The following CSMD2 variants were observed in gnomAD, a reference collection of about 807,000 sequenced individuals.
CSMD2 encodes the protein CUB and Sushi multiple domains 2.
In CSMD2, 130 loss-of-function variants were observed where a neutral mutation model predicts 398.5. The ratio of observed to expected loss-of-function variants is 0.33; its 90% CI spans 0.28 to 0.38. CSMD2 has a LOEUF of 0.38. Among genes scored for constraint, CSMD2 ranks in the 10% least tolerant of loss-of-function variants. The pLI is 1.00. For missense variants in CSMD2, 3,829 were observed against 4,764.9 expected, an observed-to-expected ratio of 0.80 and a Z score of 5.78; for synonymous variants, 1,828 against 1,908.5, an observed-to-expected ratio of 0.96 and a Z score of 1.10.
At chr1:33,681,038 C>A (rs1010427506) in intron 25 of CSMD2, among the ~76,000 whole-genome samples, 26 of 143,262 alleles carry the variant, frequency 1.8e-4, no homozygotes, top group African/African-American at 6.0e-4. Flanking sequence ...GATTCTCATG[C>A]CTCAGCCTCC....
chr1:33,671,146 G>A (rs770179069), intron 25 of CSMD2, among the ~76,000 whole-genome samples: 3 of 152,186 alleles, frequency 2.0e-5, no homozygotes, highest in Non-Finnish European at 2.9e-5. Context: ...CTCAGGGAAT[G>A]GTGATAATGT....
chr1:33,874,991 G>A (rs1365098011), intron 5 of CSMD2, among the ~76,000 whole-genome samples: 1 of 152,202 alleles, frequency 6.6e-6, no homozygotes, highest in Non-Finnish European at 1.5e-5. Flanking sequence ...AAGTGGGTGA[G>A]GGAACTTCCA....
chr1:34,127,071 G>C (rs929124779), intron 1 of CSMD2, among the ~76,000 whole-genome samples: 1 of 152,098 alleles, frequency 6.6e-6, no homozygotes, highest in Non-Finnish European at 1.5e-5. Context: ...ACAGGCAAGA[G>C]GCAGACAGGA....
chr1:33,569,856 G>A (rs1659420896), intron 51 of CSMD2, among the ~76,000 whole-genome samples: 1 of 152,182 alleles, frequency 6.6e-6, no homozygotes, highest in East Asian at 1.9e-4. Context: ...GTGCACTGTG[G>A]TTAGGAAGAG....
At chr1:33,576,622 C>T (rs560454887) in intron 49 of CSMD2, among the ~76,000 whole-genome samples, 2 of 152,266 alleles carry the variant, frequency 1.3e-5, no homozygotes, top group African/African-American at 4.8e-5. Flanking sequence ...TATACTTCCT[C>T]ACCATGATTT....
intron 15 of CSMD2, among the ~76,000 whole-genome samples, chr1:33,730,261 C>T (rs973838611): frequency 6.6e-6 from 1 of 152,012 alleles, no homozygotes; most frequent in African/African-American, 2.4e-5. Flanking sequence ...GAGGCATACA[C>T]ACATATTCAC....
At position 33,559,191 on chromosome 1, in the gene CSMD2, C is replaced by G. The variant is rs406586; in HGVS notation, c.8554+109G>C. On this transcript the variant is annotated intron_variant, in intron 54 of 70. Transcript: ENST00000373381. The surrounding 1 kb of genome is among the most constrained non-coding windows in gnomAD (Gnocchi z 4.0). ...CCCTTCTCTGCTCCATCTTCCCTATCTGGATCAGAATGATGCCAGAATGAA... is the reference window on the plus strand; with the variant it reads ...CCCTTCTCTGCTCCATCTTCCCTATGTGGATCAGAATGATGCCAGAATGAA... 12 of 1,027,924 alleles carry G rather than the reference C, an allele frequency of 1.2e-5. No homozygotes were observed. The highest frequency in any genetic ancestry group is 1.7e-5 in the Non-Finnish European group (12 of 714,946). The allele number at this position is 1,027,924 out of a possible 1,614,324, so 63.7% of individuals were successfully genotyped here. A position where few individuals can be genotyped will look rare whatever the true frequency, so the allele number is the denominator to read the frequency against.
chr1:33,667,455 T>C (rs1012622023), intron 25 of CSMD2, among the ~76,000 whole-genome samples: 17 of 152,178 alleles, frequency 1.1e-4, no homozygotes, highest in African/African-American at 3.9e-4. Context: ...CACAAGGTCA[T>C]GGGCTGGTTA....
chr1:33,563,680 C>G (rs72660182), intron 53 of CSMD2, among the ~76,000 whole-genome samples: 2 of 152,094 alleles, frequency 1.3e-5, no homozygotes, highest in Non-Finnish European at 2.9e-5. Context: ...AATTTTGAAC[C>G]CAGCTTCTCT....
At chr1:33,867,088 T>C (rs929227547) in intron 5 of CSMD2, among the ~76,000 whole-genome samples, 41 of 152,222 alleles carry the variant, frequency 2.7e-4, no homozygotes, top group Admixed American at 1.3e-3. Flanking sequence ...CCATAGAATG[T>C]GGCAAAGGAG....
chr1:33,755,465 C>T (rs1265517796), intron 13 of CSMD2, among the ~76,000 whole-genome samples: 1 of 152,254 alleles, frequency 6.6e-6, no homozygotes, highest in East Asian at 1.9e-4. Flanking sequence ...TAACTTTAGG[C>T]TCCTTTCTTT....
intron 1 of CSMD2, among the ~76,000 whole-genome samples, chr1:34,132,741 A>G (rs1460379946): frequency 6.6e-6 from 1 of 152,166 alleles, no homozygotes; most frequent in South Asian, 2.1e-4. Context: ...AAGATATCAG[A>G]GCTCCTAATT....
intron 25 of CSMD2, among the ~76,000 whole-genome samples, chr1:33,663,448 G>T (rs573696656): frequency 8.5e-5 from 13 of 152,150 alleles, no homozygotes; most frequent in South Asian, 6.2e-4. Context: ...GGTTGGAAGG[G>T]GAATACTGAG....
chr1:33,633,486 C>T lies in CSMD2; in HGVS notation c.5136G>A (p.Val1712=). Residue 1712 remains valine (V), a synonymous_variant, in exon 32 of 71, where the codon GTG becomes GTA. Transcript: ENST00000373381. This position sits in a 1 kb window ranked among gnomAD's most constrained non-coding sequence, Gnocchi z 5.0. ...GCTGGCTGTGGCCGTCGTGAACCTC[C>T]ACCACGTCGTTGAGGGCCGTGTGAA... ...AFFHTALNDV[V]EVHDGHSQHS... 2 of 1,554,354 alleles carry T rather than the reference C, an allele frequency of 1.3e-6. No individual in the cohort carries two copies. Among genetic ancestry groups the T allele is most frequent in the Non-Finnish European group, 1.7e-6 (2 of 1,148,380 alleles).
intron 5 of CSMD2, among the ~76,000 whole-genome samples, chr1:33,853,657 T>A (rs1181080462): frequency 9.6e-6 from 1 of 104,222 alleles, no homozygotes; most frequent in Non-Finnish European, 2.0e-5. Flanking sequence ...AGGGTGGGGG[T>A]GGGAGACTGC....
At chr1:33,538,329 G>A (rs1017641563) in intron 60 of CSMD2, among the ~76,000 whole-genome samples, 5 of 152,162 alleles carry the variant, frequency 3.3e-5, no homozygotes, top group Non-Finnish European at 7.3e-5. Context: ...TTTACACTGC[G>A]GTGGGTAGTG....
At chr1:33,626,313 T>C (rs1642125831) in intron 33 of CSMD2, among the ~76,000 whole-genome samples, 173 bp downstream of exon 33, 1 of 152,166 alleles carries the variant, frequency 6.6e-6, no homozygotes, top group Non-Finnish European at 1.5e-5. Context: ...GCTGAGTAAG[T>C]GAATGCATAA....
At chr1:33,691,728 G>C (rs664727) in intron 25 of CSMD2, among the ~76,000 whole-genome samples, 137,047 of 152,188 alleles carry the variant, frequency 0.9, 61,905 homozygotes, top group African/African-American at 0.97. Flanking sequence ...GTGGACCGAC[G>C]CTGCTCAAGA....
At chr1:34,039,819 T>A (rs1456277369) in intron 2 of CSMD2, among the ~76,000 whole-genome samples, 2 of 152,040 alleles carry the variant, frequency 1.3e-5, no homozygotes, top group African/African-American at 4.8e-5. Context: ...CCCTGGGTAA[T>A]TAGGGCAGGG....
Sources: gnomAD v4.1 joint callset for allele counts (sites outside exome capture counted in the v4.1 genomes callset) on GRCh38, gnomAD v4.1.1 for gene constraint, Gnocchi (gnomAD v3.1) non-coding constraint, MANE v1.5 for transcripts, NCBI Gene and HGNC (gene_info 2026-07-23, HGNC 2026-07-21) for gene names.